TBC1D32: variants seen among roughly 807,000 people sequenced by gnomAD.
TBC1D32 encodes TBC1 domain family member 32.
In TBC1D32, 151 loss-of-function variants were observed where a neutral mutation model predicts 170.3. The observed-to-expected ratio is 0.89, with a 90% CI of 0.78 to 1.01. The LOEUF is 1.01. Ranked by LOEUF, TBC1D32 falls within the 50% of genes least tolerant of loss-of-function variation. The pLI is 0.00. For synonymous variants in TBC1D32, 498 were observed against 488.0 expected (o/e 1.02, Z -0.27); for missense variants, 1,464 against 1,457.1 (o/e 1.00, Z -0.08).
intron 20 of TBC1D32, among the ~76,000 whole-genome samples, chr6:121,225,422 C>A (rs895307801): frequency 4.6e-5 from 7 of 151,750 alleles, no homozygotes; most frequent in Middle Eastern, 3.2e-3. Flanking sequence ...ATCTTTTCTA[C>A]CATAATCATA....
chr6:121,250,688 G>A (rs1798173235), intron 17 of TBC1D32, among the ~76,000 whole-genome samples: 1 of 152,042 alleles, frequency 6.6e-6, no homozygotes. Context: ...AGACAAGGGT[G>A]GTCTCTCTCA....
At position 121,299,441 on chromosome 6, in the gene TBC1D32, CT is replaced by C; in HGVS notation, c.1140+4del. ...CTCAACATAAAAACAGAATTACAGA[CT>C]TACCAGAGACTTATATTTCGTTTCA... On this transcript the variant is annotated splice_donor_region_variant and intron_variant, in intron 10 of 31. Transcript: ENST00000398212. 1 of 1,498,200 alleles carries C rather than the reference CT, an allele frequency of 6.7e-7. No individual in the cohort carries two copies. Among genetic ancestry groups the C allele is most frequent in the Admixed American group, 1.9e-5 (1 of 53,942 alleles). 92.8% of individuals were successfully genotyped at this position (1,498,200 alleles called of 1,614,324 possible).
chr6:121,192,440 A>C (rs2128288759), intron 22 of TBC1D32: 1 of 152,300 alleles, frequency 6.6e-6, no homozygotes, highest in East Asian at 1.9e-4. Context: ...AGTTCAGTGG[A>C]CAAAGTAATG....
At chr6:121,105,058 G>C (rs553003696) in intron 30 of TBC1D32, among the ~76,000 whole-genome samples, 1 of 151,940 alleles carries the variant, frequency 6.6e-6, no homozygotes, top group South Asian at 2.1e-4. Context: ...AGGAATTGAA[G>C]CAATTTGGAC....
intron 15 of TBC1D32, among the ~76,000 whole-genome samples, chr6:121,265,617 A>T (rs1174059798): frequency 6.6e-6 from 1 of 152,082 alleles, no homozygotes; most frequent in Non-Finnish European, 1.5e-5. Context: ...CCATATAGCC[A>T]AGTCAATCCT....
chr6:121,321,651 CT>C lies in TBC1D32; in HGVS notation c.298del (p.Arg100GlufsTer11). 6.2e-7 allele frequency: 1 copy of C among 1,612,640 alleles called. No individual in the cohort carries two copies. The highest frequency in any genetic ancestry group is 8.5e-7 in the Non-Finnish European group (1 of 1,179,510). ...TACTCACTCTTTAGATTCTTGAGTT[CT>C]TTTAGTGACCTGCTGTACAACTGTA... is the stretch of plus-strand genomic sequence containing the variant. ...YDTVVQQVTK[R>X]TQESKEYKEM... On this transcript the variant is annotated frameshift_variant, in exon 2 of 32. Transcript: ENST00000398212. LOFTEE classifies it high-confidence loss of function.
chr6:121,085,769 C>T (rs1041256339), intron 31 of TBC1D32, among the ~76,000 whole-genome samples: 28 of 151,986 alleles, frequency 1.8e-4, no homozygotes, highest in African/African-American at 6.8e-4. Flanking sequence ...ATGTGAAGTT[C>T]TTACAGATTC....
chr6:121,085,160 C>T (rs1776050028), intron 31 of TBC1D32, among the ~76,000 whole-genome samples: 1 of 150,134 alleles, frequency 6.7e-6, no homozygotes, highest in Non-Finnish European at 1.5e-5. Context: ...CTGCTCTTTA[C>T]CCTTACTAGA....
At chr6:121,145,799 A>C (rs1282003158) in intron 24 of TBC1D32, among the ~76,000 whole-genome samples, 1 of 152,152 alleles carries the variant, frequency 6.6e-6, no homozygotes, top group Non-Finnish European at 1.5e-5. Flanking sequence ...GACTGGTGAT[A>C]ATATAGAAGT....
intron 19 of TBC1D32, among the ~76,000 whole-genome samples, chr6:121,239,919 A>C (rs1436735829): frequency 6.6e-6 from 1 of 152,200 alleles, no homozygotes; most frequent in Non-Finnish European, 1.5e-5. Context: ...GAGAGAAAAA[A>C]ATATGGGCTC....
chr6:121,190,131 C>T (rs1220587519), intron 22 of TBC1D32, among the ~76,000 whole-genome samples: 5 of 122,396 alleles, frequency 4.1e-5, no homozygotes, highest in African/African-American at 1.5e-4. Context: ...CACACACACA[C>T]GACCCTCTCC....
chr6:121,286,053 A>C (rs184673038), intron 12 of TBC1D32, among the ~76,000 whole-genome samples: 4 of 152,326 alleles, frequency 2.6e-5, no homozygotes, highest in Non-Finnish European at 5.9e-5. Flanking sequence ...CAGAGGAGAA[A>C]AACTGGAAAC....
intron 14 of TBC1D32, 45 bp downstream of exon 14, chr6:121,281,498 AT>A: frequency 6.6e-7 from 1 of 1,522,414 alleles, no homozygotes; most frequent in East Asian, 2.3e-5. Context: ...GTATCCACTA[AT>A]ACCCAGGTAA....
At chr6:121,255,225 A>G (rs1798804025) in intron 17 of TBC1D32, 103 bp downstream of exon 17, 1 of 599,548 alleles carries the variant, frequency 1.7e-6, no homozygotes, top group Non-Finnish European at 2.7e-6. Context: ...TACATTTACC[A>G]TCCTGTAAAA....
In TBC1D32 at chr6:121,101,859, C is replaced by T. The variant is rs13219349; in HGVS notation, c.3465+4164G>A. ...AAACCCCATTGTCTCAGCCCAAAAT[C>T]TCCTTAAGCTGAAAAGCAACTTCAG... On this transcript the variant is annotated intron_variant, in intron 30 of 31. Transcript: ENST00000398212. Among the ~76,000 whole-genome samples, 29 of 152,234 alleles carry T rather than the reference C, an allele frequency of 1.9e-4. 1 individual carries two copies. The East Asian group carries it at 5.4e-3, about 28-fold the overall frequency.
At chr6:121,214,850 G>T (rs1030738413) in intron 21 of TBC1D32, among the ~76,000 whole-genome samples, 1 of 152,178 alleles carries the variant, frequency 6.6e-6, no homozygotes, top group African/African-American at 2.4e-5. Context: ...CAGGAAGAAT[G>T]AGGTATGTAG....
Position 121,176,930 on chromosome 6 carries a change from C to T in TBC1D32, c.2571-15874G>A, listed in dbSNP as rs555887813. Among the ~76,000 whole-genome samples the T allele has an allele frequency of 1.7e-4, 26 of 152,194 alleles. No homozygotes were observed. The South Asian group carries it at 5.0e-3, about 29-fold the overall frequency. On this transcript the variant is annotated intron_variant, in intron 22 of 31. Transcript: ENST00000398212. ...GTATAGTAACCTTTTAATCAAAACA[C>T]GGCATCATAGGTGGAGACCGAAAGC...
At chr6:121,312,274 T>A (rs1027668067) in intron 3 of TBC1D32, among the ~76,000 whole-genome samples, 2 of 152,158 alleles carry the variant, frequency 1.3e-5, no homozygotes, top group African/African-American at 4.8e-5. Context: ...GATGGGTTGA[T>A]AGGTACAACA....
At chr6:121,208,830 C>T (rs1583221582) in intron 21 of TBC1D32, among the ~76,000 whole-genome samples, 1 of 151,326 alleles carries the variant, frequency 6.6e-6, no homozygotes, top group African/African-American at 2.4e-5. Context: ...AACTTCTGGC[C>T]TTCAGAATTG....
Sources: gnomAD v4.1 joint callset for allele counts (sites outside exome capture counted in the v4.1 genomes callset) on GRCh38, gnomAD v4.1.1 for gene constraint, MANE v1.5 for transcripts, NCBI Gene and HGNC (gene_info 2026-07-23, HGNC 2026-07-21) for gene names.